AFG2A: variants seen among roughly 807,000 people sequenced by gnomAD.
AFG2A encodes ATPase family gene 2 protein homolog A.
chr4:123,023,375 T>TAA, the AFG2A span, among the ~76,000 whole-genome samples: 20 of 151,830 alleles, frequency 1.3e-4, no homozygotes, highest in African/African-American at 4.8e-4. Context: ...AAAGTTCAAA[T>TAA]AAAAAAGAAA....
At chr4:123,121,654 A>G in the AFG2A span, among the ~76,000 whole-genome samples, 12 of 152,220 alleles carry the variant, frequency 7.9e-5, no homozygotes, top group Non-Finnish European at 7.3e-5. Context: ...GCAACAGGCT[A>G]TATCATATGG....
the AFG2A span, among the ~76,000 whole-genome samples, chr4:123,196,180 T>TC: frequency 1.4e-5 from 2 of 142,976 alleles, no homozygotes; most frequent in Non-Finnish European, 3.1e-5. Context: ...TTTTTTTTTT[T>TC]TTTTTTTTTT....
chr4:123,180,704 A>T, the AFG2A span, among the ~76,000 whole-genome samples: 3 of 152,230 alleles, frequency 2.0e-5, no homozygotes, highest in Non-Finnish European at 4.4e-5. Context: ...ATTTTGAAAG[A>T]GAAAAGGATA....
chr4:123,305,560 C>T, the AFG2A span, among the ~76,000 whole-genome samples: 3 of 152,218 alleles, frequency 2.0e-5, no homozygotes, highest in African/African-American at 7.2e-5. Flanking sequence ...TACTGTGAAA[C>T]TGAAAAGAAC....
the AFG2A span, among the ~76,000 whole-genome samples, chr4:123,024,031 T>C: frequency 2.0e-5 from 3 of 151,778 alleles, no homozygotes; most frequent in South Asian, 6.3e-4. Context: ...GAGAATTCTG[T>C]AGTCATCAGT....
At chr4:122,966,022 C>G in the AFG2A span, among the ~76,000 whole-genome samples, 1 of 152,126 alleles carries the variant, frequency 6.6e-6, no homozygotes, top group South Asian at 2.1e-4. Context: ...AATGGCAGAC[C>G]TAGAGCCATG....
the AFG2A span, among the ~76,000 whole-genome samples, chr4:123,034,424 C>A: frequency 6.6e-6 from 1 of 151,846 alleles, no homozygotes; most frequent in Non-Finnish European, 1.5e-5. Flanking sequence ...AAAAGACATT[C>A]TGTAAAATCA....
At chr4:122,962,809 C>A in the AFG2A span, among the ~76,000 whole-genome samples, 3 of 152,042 alleles carry the variant, frequency 2.0e-5, no homozygotes, top group Non-Finnish European at 4.4e-5. Context: ...CAGAATTTGA[C>A]CTCTTAAAAA....
the AFG2A span, among the ~76,000 whole-genome samples, chr4:123,031,579 T>G: frequency 6.6e-6 from 1 of 152,238 alleles, no homozygotes; most frequent in East Asian, 1.9e-4. Context: ...TTTGAAATTT[T>G]GAAATAACAA....
At chr4:122,977,332 G>A in the AFG2A span, among the ~76,000 whole-genome samples, 199 of 152,336 alleles carry the variant, frequency 1.3e-3, no homozygotes, top group African/African-American at 4.7e-3. Context: ...GGGTGTGAGT[G>A]AGCCCGAGGT....
the AFG2A span, among the ~76,000 whole-genome samples, chr4:123,021,193 C>A: frequency 1.3e-5 from 2 of 151,606 alleles, no homozygotes; most frequent in African/African-American, 4.8e-5. Context: ...GTACCTTTCC[C>A]AAGCTAGTTA....
the AFG2A span, among the ~76,000 whole-genome samples, chr4:122,992,980 G>GTGTGTGTGTGTGTGTGTGTATC: frequency 4.6e-5 from 7 of 151,402 alleles, no homozygotes; most frequent in East Asian, 1.4e-3. Flanking sequence ...GTGTGTATGT[G>GTGTGTGTGTGTGTGTGTGTATC]TGTGTGTGTG....
At chr4:123,149,798 CTT>C in the AFG2A span, among the ~76,000 whole-genome samples, 207 of 121,508 alleles carry the variant, frequency 1.7e-3, no homozygotes, top group African/African-American at 5.6e-3. Context: ...TAGGAAATAG[CTT>C]TTTTTTTTTT....
At chr4:122,997,451 G>A in the AFG2A span, among the ~76,000 whole-genome samples, 1 of 152,146 alleles carries the variant, frequency 6.6e-6, no homozygotes, top group Non-Finnish European at 1.5e-5. Flanking sequence ...GTTCATGCAT[G>A]TTGCAGCATG....
the AFG2A span, among the ~76,000 whole-genome samples, chr4:123,171,067 C>A: frequency 1.3e-5 from 2 of 152,318 alleles, no homozygotes; most frequent in East Asian, 3.9e-4. Context: ...TTCAACCACA[C>A]TGGCAGGTGT....
chr4:123,055,625 C>T, the AFG2A span, among the ~76,000 whole-genome samples: 1 of 152,052 alleles, frequency 6.6e-6, no homozygotes, highest in Non-Finnish European at 1.5e-5. Flanking sequence ...ATTGGCTGGA[C>T]CCGTGATCTG....
the AFG2A span, among the ~76,000 whole-genome samples, chr4:122,943,199 T>C: frequency 6.6e-6 from 1 of 152,160 alleles, no homozygotes; most frequent in East Asian, 1.9e-4. Context: ...TTGTTAACTT[T>C]CTGTCTTGTT....
chr4:123,059,310 G>A, the AFG2A span, among the ~76,000 whole-genome samples: 2 of 40,256 alleles, frequency 5.0e-5, no homozygotes, highest in South Asian at 9.5e-4. Context: ...CCCCTCCCCC[G>A]ACCCCACAAC....
the AFG2A span, chr4:122,935,838 A>C: frequency 1.2e-6 from 2 of 1,607,418 alleles, no homozygotes; most frequent in Non-Finnish European, 1.7e-6. Flanking sequence ...CTGAAATTAT[A>C]AGCAAGTAAG....
Sources: gnomAD v4.1 joint callset for allele counts (sites outside exome capture counted in the v4.1 genomes callset) on GRCh38, gnomAD v4.1.1 for gene constraint, MANE v1.5 for transcripts, NCBI Gene and HGNC (gene_info 2026-07-23, HGNC 2026-07-21) for gene names.